The following CTBP2 variants were observed in gnomAD, a reference collection of about 807,000 sequenced individuals.
CTBP2 encodes C-terminal binding protein 2.
CTBP2 carries 30 observed loss-of-function variants against 80.3 expected under a neutral mutation model. That is an observed-to-expected ratio of 0.37 (90% CI 0.28 to 0.51). The LOEUF is 0.51. CTBP2 is among the 20% of genes least tolerant of loss of function. The pLI is 0.93. For missense variants in CTBP2, 1,212 were observed against 1,375.3 expected (o/e 0.88, Z 1.88); for synonymous variants, 594 against 587.4 (o/e 1.01, Z -0.16).
chr10:125,073,831 T>C (rs1433089370), intron 2 of CTBP2, among the ~76,000 whole-genome samples: 2 of 152,130 alleles, frequency 1.3e-5, no homozygotes, highest in Admixed American at 6.5e-5. Flanking sequence ...CATGGCGACA[T>C]ATGAGAGGGA....
chr10:125,070,569 G>GATA lies in CTBP2; in HGVS notation c.-101-31417_-101-31415dup, dbSNP rs569686843. On this transcript the variant is annotated intron_variant, in intron 2 of 10. Coordinates refer to the CTBP2 transcript ENST00000337195. Reference sequence around the variant, plus strand: ...GACTCAATTTCTAAAAAATGATAATGATAATAATAATAATAATGATTACCA... The same window carrying GATA: ...GACTCAATTTCTAAAAAATGATAATGATAATAATAATAATAATAATGATTACCA... Among the ~76,000 whole-genome samples, 369 of 149,020 alleles carry GATA rather than the reference G, an allele frequency of 2.5e-3. 22 individuals carry two copies. The South Asian group carries it at 0.069, about 28-fold the overall frequency.
intron 1 of CTBP2, among the ~76,000 whole-genome samples, chr10:125,143,279 G>C (rs540459319): frequency 6.6e-6 from 1 of 152,298 alleles, no homozygotes; most frequent in Admixed American, 6.5e-5. Flanking sequence ...CCTGAGGTCA[G>C]GAGTTCAAGA....
chr10:125,098,126 C>T (rs1849835033), intron 2 of CTBP2, among the ~76,000 whole-genome samples: 1 of 152,174 alleles, frequency 6.6e-6, no homozygotes. Context: ...GTCTCAAAAA[C>T]CAAACGAACA....
At chr10:125,022,442 T>G (rs527514073) in intron 1 of CTBP2, among the ~76,000 whole-genome samples, 1 of 151,714 alleles carries the variant, frequency 6.6e-6, no homozygotes, top group South Asian at 2.1e-4. Flanking sequence ...AGGGGACAGG[T>G]CAATGAGGAA....
chr10:125,095,561 C>T (rs1849416871), intron 2 of CTBP2, among the ~76,000 whole-genome samples: 1 of 152,216 alleles, frequency 6.6e-6, no homozygotes, highest in African/African-American at 2.4e-5. Context: ...GCCACTACCA[C>T]ATGCTCTGAG....
intron 1 of CTBP2, among the ~76,000 whole-genome samples, chr10:125,123,383 A>ACT (rs1854669385): frequency 1.3e-5 from 2 of 152,138 alleles, no homozygotes; most frequent in Admixed American, 1.3e-4. Flanking sequence ...TGTTACCAGA[A>ACT]CTCTGCACAA....
intron 1 of CTBP2, among the ~76,000 whole-genome samples, chr10:125,143,967 C>T (rs190538866): frequency 6.6e-6 from 1 of 152,182 alleles, no homozygotes; most frequent in African/African-American, 2.4e-5. Flanking sequence ...GTCATAATTT[C>T]TCTCACCATA....
At chr10:125,136,760 C>T (rs2136186259) in intron 1 of CTBP2, among the ~76,000 whole-genome samples, 1 of 152,332 alleles carries the variant, frequency 6.6e-6, no homozygotes, top group African/African-American at 2.4e-5. Context: ...CATCAGTTGA[C>T]AGTTACAAGA....
upstream of CTBP2, among the ~76,000 whole-genome samples, chr10:125,028,888 C>T (rs1387761613): frequency 1.3e-5 from 2 of 152,170 alleles, no homozygotes; most frequent in Non-Finnish European, 2.9e-5. Context: ...GGACTTCAGG[C>T]GCAATAATGC....
intron 3 of CTBP2, among the ~76,000 whole-genome samples, chr10:125,035,886 A>T (rs986078982): frequency 1.3e-5 from 2 of 152,260 alleles, no homozygotes; most frequent in African/African-American, 4.8e-5. Context: ...TGTTCTGATC[A>T]GCCTGTGTTA....
Position 125,072,233 on chromosome 10 carries a change from T to C in CTBP2, c.-101-33078A>G, listed in dbSNP as rs572504071. Among the ~76,000 whole-genome samples the C allele has an allele frequency of 1.5e-4, 23 of 152,222 alleles. 1 individual carries two copies. In the South Asian group the frequency reaches 4.6e-3, roughly 30 times the overall value. ...AGGCTGTGGTTGCAGTGAGCCAAGATGGCGCCACTGCACTCCAGCCTGGAG... is the reference window on the plus strand; with the variant it reads ...AGGCTGTGGTTGCAGTGAGCCAAGACGGCGCCACTGCACTCCAGCCTGGAG... On this transcript the variant is annotated intron_variant, in intron 2 of 10. Transcript: ENST00000337195.
chr10:125,101,403 A>C (rs1045735033), intron 2 of CTBP2, among the ~76,000 whole-genome samples: 8 of 152,228 alleles, frequency 5.3e-5, no homozygotes, highest in Non-Finnish European at 8.8e-5. Context: ...TCCATTACGA[A>C]ACAGATGTCC....
chr10:125,094,533 G>A (rs1452962949), intron 2 of CTBP2, among the ~76,000 whole-genome samples: 3 of 152,220 alleles, frequency 2.0e-5, no homozygotes, highest in Non-Finnish European at 4.4e-5. Flanking sequence ...AGCACGGTAT[G>A]GCTCAAGTAC....
chr10:125,048,089 G>T (rs1051084958), intron 2 of CTBP2, among the ~76,000 whole-genome samples: 3 of 151,982 alleles, frequency 2.0e-5, no homozygotes, highest in African/African-American at 7.2e-5. Context: ...ACACCGTAGG[G>T]TCCAGAATGC....
chr10:125,026,989 G>T lies in CTBP2; in HGVS notation c.771C>A (p.Tyr257Ter), dbSNP rs962173880. The T allele has an allele frequency of 6.2e-7, 1 of 1,613,980 alleles. No individual in the cohort carries two copies. Among genetic ancestry groups the T allele is most frequent in the Admixed American group, 1.7e-5 (1 of 60,032 alleles). ...ATGGGATGCTTTCCCGGGCAGGCCC[G>T]TAGCCACGATTCAGGGCCCCTGGGG... is the stretch of plus-strand genomic sequence containing the variant. The change falls in exon 1 of 9, where the codon TAC (tyrosine) becomes TAA (stop). Residue 257 changes from tyrosine (Y) to a stop codon, truncating the protein, a stop_gained. Coordinates refer to ENST00000309035, the MANE Select transcript of CTBP2 (RefSeq NM_022802.3). LOFTEE classifies it high-confidence loss of function.
chr10:125,015,455 G>T (rs1956374775), intron 1 of CTBP2, among the ~76,000 whole-genome samples: 1 of 152,374 alleles, frequency 6.6e-6, no homozygotes, highest in South Asian at 2.1e-4. Context: ...AGCCTTTGCT[G>T]TGCGGTCCCT....
chr10:125,126,684 C>A (rs1209146731), intron 1 of CTBP2, among the ~76,000 whole-genome samples: 1 of 152,246 alleles, frequency 6.6e-6, no homozygotes, highest in Non-Finnish European at 1.5e-5. Flanking sequence ...CTCCCCTAGG[C>A]GCCAACATTC....
intron 2 of CTBP2, among the ~76,000 whole-genome samples, chr10:125,092,004 C>T (rs1035435930): frequency 1.4e-4 from 21 of 152,066 alleles, no homozygotes; most frequent in Non-Finnish European, 2.8e-4. Flanking sequence ...ACTGTGAAGG[C>T]ATCATTTGAA....
Position 125,026,284 on chromosome 10 carries a change from C to T in CTBP2, c.1476G>A (p.Lys492=). 6.2e-7 allele frequency: 1 copy of T among 1,613,936 alleles called. No individual in the cohort carries two copies. Among genetic ancestry groups the T allele is most frequent in the Non-Finnish European group, 8.5e-7 (1 of 1,179,952 alleles). Reference sequence around the variant, plus strand: ...GAGAGGCGGCCACGTTGCGCTCCCTCTTTAGCAGCTCCATGGGCACCGTGT... The same window carrying T: ...GAGAGGCGGCCACGTTGCGCTCCCTTTTTAGCAGCTCCATGGGCACCGTGT... The change falls in exon 1 of 9, where the codon AAG becomes AAA. Residue 492 remains lysine (K), a synonymous_variant. Transcript: ENST00000309035.
Sources: gnomAD v4.1 joint callset for allele counts (sites outside exome capture counted in the v4.1 genomes callset) on GRCh38, gnomAD v4.1.1 for gene constraint, MANE v1.5 for transcripts, NCBI Gene and HGNC (gene_info 2026-07-23, HGNC 2026-07-21) for gene names.